The following VTI1A variants were observed in gnomAD, a reference collection of about 807,000 sequenced individuals.
The protein encoded by VTI1A is vesicle transport through interaction with t-SNAREs 1A.
A neutral mutation model predicts 34.9 loss-of-function variants in VTI1A; 22 were observed. That is an observed-to-expected ratio of 0.63 (90% CI 0.45 to 0.90). VTI1A has a LOEUF of 0.90. VTI1A is among the 40% of genes least tolerant of loss of function. The probability of loss-of-function intolerance (pLI) is 0.00; values close to 1 mark genes in which losing one functional copy is unlikely to be tolerated. For missense variants in VTI1A, 268 were observed against 275.6 expected (o/e 0.97, Z 0.20); for synonymous variants, 87 against 97.3 (o/e 0.89, Z 0.62).
chr10:112,697,866 A>ATGTGTGTG lies in VTI1A; in HGVS notation c.560+28902_560+28909dup, dbSNP rs67142519. Among the ~76,000 whole-genome samples the ATGTGTGTG allele has an allele frequency of 6.0e-3, 807 of 134,912 alleles. 5 individuals carry two copies. The highest frequency in any genetic ancestry group is 0.015 in the African/African-American group (568 of 38,606). 88.5% of individuals were successfully genotyped at this position (134,912 alleles called of 152,430 possible). A position where few individuals can be genotyped will look rare whatever the true frequency, so the allele number is the denominator to read the frequency against. Reference sequence around the variant, plus strand: ...TTTGTTTCTCTGTATTAGCATTTACATGTGTGTGTGTGTGTGTGTGTGTGT... The same window carrying ATGTGTGTG: ...TTTGTTTCTCTGTATTAGCATTTACATGTGTGTGTGTGTGTGTGTGTGTGTGTGTGTGT... On this transcript the variant is annotated intron_variant, in intron 7 of 7. Transcript: ENST00000393077.
intron 5 of VTI1A, among the ~76,000 whole-genome samples, chr10:112,579,678 A>C (rs1403088056): frequency 6.6e-6 from 1 of 152,238 alleles, no homozygotes; most frequent in African/African-American, 2.4e-5. Flanking sequence ...AACACATTTA[A>C]AATACGGGAA....
At chr10:112,770,200 A>G (rs1011537328) in intron 7 of VTI1A, among the ~76,000 whole-genome samples, 1 of 152,058 alleles carries the variant, frequency 6.6e-6, no homozygotes, top group African/African-American at 2.4e-5. Flanking sequence ...CAGTTATTGA[A>G]TTCCAACTGG....
intron 5 of VTI1A, among the ~76,000 whole-genome samples, chr10:112,625,869 C>A (rs970395984): frequency 6.6e-6 from 1 of 151,962 alleles, no homozygotes; most frequent in African/African-American, 2.4e-5. Context: ...ACTCAGGTAA[C>A]CAAACACTAC....
chr10:112,749,652 A>G (rs1851032445), intron 7 of VTI1A, among the ~76,000 whole-genome samples: 1 of 152,246 alleles, frequency 6.6e-6, no homozygotes, highest in Non-Finnish European at 1.5e-5. Flanking sequence ...ATTTAAGGAA[A>G]GAGAGGGAAA....
Position 112,447,373 on chromosome 10 carries a change from C to T in VTI1A, c.-1C>T, listed in dbSNP as rs1160806872. The T allele has an allele frequency of 6.2e-7, 1 of 1,613,032 alleles. No homozygotes were observed. Among genetic ancestry groups the T allele is most frequent in the Non-Finnish European group, 8.5e-7 (1 of 1,179,820 alleles). On this transcript the variant is annotated 5_prime_UTR_variant, in exon 1 of 8. Transcript: ENST00000393077. ...CCTGGGCTACTCGTTCCGGAGCCGCCATGTCGTCCGACTTCGAAGGTTACG... is the reference window on the plus strand; with the variant it reads ...CCTGGGCTACTCGTTCCGGAGCCGCTATGTCGTCCGACTTCGAAGGTTACG...
intron 7 of VTI1A, among the ~76,000 whole-genome samples, chr10:112,785,513 A>G (rs1852259017): frequency 6.6e-6 from 1 of 152,138 alleles, no homozygotes; most frequent in African/African-American, 2.4e-5. Flanking sequence ...GTTAATTTTG[A>G]TAAAAATTTA....
chr10:112,491,107 C>G (rs144369339), intron 3 of VTI1A, among the ~76,000 whole-genome samples: 9 of 152,014 alleles, frequency 5.9e-5, no homozygotes, highest in African/African-American at 2.2e-4. Context: ...GTAGAACATT[C>G]GATGTATGGC....
chr10:112,533,435 T>A, intron 4 of VTI1A: 1 of 793,304 alleles, frequency 1.3e-6, no homozygotes, highest in Non-Finnish European at 1.5e-6. Context: ...AACAGATAAA[T>A]TGTCAATGTT....
intron 7 of VTI1A, among the ~76,000 whole-genome samples, chr10:112,747,431 C>T (rs1850937286): frequency 6.6e-6 from 1 of 152,200 alleles, no homozygotes; most frequent in Non-Finnish European, 1.5e-5. Flanking sequence ...CACTCATGTA[C>T]AGCATTTTAC....
At chr10:112,535,635 A>G (rs958915476) in intron 4 of VTI1A, among the ~76,000 whole-genome samples, 1 of 152,086 alleles carries the variant, frequency 6.6e-6, no homozygotes, top group African/African-American at 2.4e-5. Flanking sequence ...AGCTCTCCAC[A>G]TTGCGCAGCT....
chr10:112,519,798 A>G (rs1424282859), intron 3 of VTI1A, among the ~76,000 whole-genome samples: 1 of 152,042 alleles, frequency 6.6e-6, no homozygotes, highest in African/African-American at 2.4e-5. Flanking sequence ...ACCTCATGCG[A>G]TAACTTAGGG....
chr10:112,613,926 C>T (rs1331731008), intron 5 of VTI1A, among the ~76,000 whole-genome samples: 1 of 152,208 alleles, frequency 6.6e-6, no homozygotes, highest in Non-Finnish European at 1.5e-5. Flanking sequence ...AACACATCAG[C>T]CTCCTGTTAA....
At chr10:112,704,963 A>G (rs1849142431) in intron 7 of VTI1A, among the ~76,000 whole-genome samples, 1 of 152,022 alleles carries the variant, frequency 6.6e-6, no homozygotes, top group African/African-American at 2.4e-5. Flanking sequence ...ATCATAGCTC[A>G]CTGCAGCCTG....
At chr10:112,736,190 G>A (rs1419176287) in intron 7 of VTI1A, among the ~76,000 whole-genome samples, 1 of 141,568 alleles carries the variant, frequency 7.1e-6, no homozygotes, top group African/African-American at 2.7e-5. Context: ...ATCTTCACTT[G>A]GCTGGCTTTT....
At chr10:112,490,504 G>C (rs1259387323) in intron 3 of VTI1A, among the ~76,000 whole-genome samples, 1 of 152,102 alleles carries the variant, frequency 6.6e-6, no homozygotes, top group African/African-American at 2.4e-5. Context: ...TGTTGTGTAG[G>C]AGTTGTATTA....
intron 3 of VTI1A, among the ~76,000 whole-genome samples, chr10:112,519,698 C>T (rs142648502): frequency 6.6e-6 from 1 of 152,026 alleles, no homozygotes; most frequent in Non-Finnish European, 1.5e-5. Flanking sequence ...CCTTGTTCTG[C>T]CTCATCTTTC....
At chr10:112,739,664 G>T (rs1404555928) in intron 7 of VTI1A, among the ~76,000 whole-genome samples, 1 of 152,194 alleles carries the variant, frequency 6.6e-6, no homozygotes, top group Non-Finnish European at 1.5e-5. Context: ...TATTTTATTT[G>T]TAAATTGTGC....
At chr10:112,787,698 C>CTTTTTTTTTT (rs34862909) in intron 7 of VTI1A, among the ~76,000 whole-genome samples, 22 of 103,226 alleles carry the variant, frequency 2.1e-4, no homozygotes, top group African/African-American at 4.7e-4. Context: ...TTTTTCTTTT[C>CTTTTTTTTTT]TTTTTTTTTT....
intron 5 of VTI1A, among the ~76,000 whole-genome samples, chr10:112,578,349 A>C (rs1363354052): frequency 1.3e-5 from 2 of 152,184 alleles, no homozygotes; most frequent in Admixed American, 1.3e-4. Flanking sequence ...AGTTAGGAGA[A>C]ACCCTATCAG....
Sources: gnomAD v4.1 joint callset for allele counts (sites outside exome capture counted in the v4.1 genomes callset) on GRCh38, gnomAD v4.1.1 for gene constraint, MANE v1.5 for transcripts, NCBI Gene and HGNC (gene_info 2026-07-23, HGNC 2026-07-21) for gene names.